Variants in UGT1A9 observed in about 807,000 individuals in gnomAD.
UGT1A9 encodes UDP glucuronosyltransferase family 1 member A9, also known as UDP-glucuronosyltransferase 1A9.
UGT1A9 carries 35 observed loss-of-function variants against 45.0 expected under a neutral mutation model. That is an observed-to-expected ratio of 0.78 (90% CI 0.59 to 1.03). UGT1A9 has a LOEUF of 1.03. Among genes scored for constraint, UGT1A9 ranks in the 50% least tolerant of loss-of-function variants. UGT1A9 has a pLI of 0.00. For missense variants in UGT1A9, 687 were observed against 666.6 expected, an observed-to-expected ratio of 1.03 and a Z score of -0.34; for synonymous variants, 278 against 250.6, an observed-to-expected ratio of 1.11 and a Z score of -1.03.
At chr2:233,747,695 G>C in intron 1 of UGT1A9, 1 of 1,611,470 alleles carries the variant, frequency 6.2e-7, no homozygotes, top group Non-Finnish European at 8.5e-7. Flanking sequence ...GGGCAGTGCT[G>C]GCTAAGTACC....
chr2:233,725,080 G>A (rs1417813271), intron 1 of UGT1A9, among the ~76,000 whole-genome samples: 3 of 144,008 alleles, frequency 2.1e-5, no homozygotes, highest in Non-Finnish European at 4.6e-5. Context: ...GCAGGCACTC[G>A]GCAGGCTGAG....
At chr2:233,706,790 T>C (rs774565833) in intron 1 of UGT1A9, among the ~76,000 whole-genome samples, 1 of 152,192 alleles carries the variant, frequency 6.6e-6, no homozygotes. Context: ...AGAAATACCA[T>C]GCACCAATTA....
intron 1 of UGT1A9, chr2:233,760,313 G>T (rs761736540): frequency 6.2e-7 from 1 of 1,613,818 alleles, no homozygotes. Context: ...CAGGGCGGAC[G>T]CCCACTTGTC....
chr2:233,734,138 TG>T (rs2078490713), intron 1 of UGT1A9, among the ~76,000 whole-genome samples: 1 of 152,142 alleles, frequency 6.6e-6, no homozygotes, highest in Non-Finnish European at 1.5e-5. Flanking sequence ...AATTTGGCTG[TG>T]AATCCATCTG....
In UGT1A9 at chr2:233,728,991, T is replaced by C. The variant is rs868429591; in HGVS notation, c.856-38043T>C. On this transcript the variant is annotated intron_variant, in intron 1 of 4. Transcript: ENST00000354728. ...GATAGATTAATGGTTAATAATTAAC[T>C]AGAGGAGGGCACTCTGTCTTCCAAT... 5.2e-5 allele frequency: 80 copies of C among 1,542,528 alleles called. No homozygotes were observed. The African/African-American group carries it at 1.0e-3, about 20-fold the overall frequency.
chr2:233,673,532 A>G (rs1354332041), intron 1 of UGT1A9, among the ~76,000 whole-genome samples: 3 of 152,126 alleles, frequency 2.0e-5, no homozygotes, highest in Non-Finnish European at 4.4e-5. Context: ...CAGGATTTCC[A>G]TGAATTGAGA....
chr2:233,716,312 G>A (rs1303311282), intron 1 of UGT1A9, among the ~76,000 whole-genome samples: 1 of 152,118 alleles, frequency 6.6e-6, no homozygotes, highest in African/African-American at 2.4e-5. Flanking sequence ...TCTTCCACCT[G>A]TAATGGAATA....
At chr2:233,760,415 T>A (rs2125983730) in intron 1 of UGT1A9, 1 of 1,614,208 alleles carries the variant, frequency 6.2e-7, no homozygotes, top group Non-Finnish European at 8.5e-7. Flanking sequence ...TGGCTGAGCA[T>A]GCTTGGGGCC....
intron 1 of UGT1A9, chr2:233,754,387 G>A: frequency 3.3e-6 from 1 of 304,284 alleles, no homozygotes; most frequent in East Asian, 8.4e-5. Flanking sequence ...ACAAACAGAG[G>A]TCCTATCCGT....
intron 1 of UGT1A9, among the ~76,000 whole-genome samples, chr2:233,708,083 A>T (rs910036488): frequency 1.3e-5 from 2 of 152,164 alleles, no homozygotes; most frequent in African/African-American, 4.8e-5. Context: ...TTTTACTTTT[A>T]TTCAAACGAA....
chr2:233,688,861 G>A (rs1162676732), intron 1 of UGT1A9, among the ~76,000 whole-genome samples: 1 of 152,134 alleles, frequency 6.6e-6, no homozygotes, highest in Non-Finnish European at 1.5e-5. Flanking sequence ...ATCATAGGGG[G>A]CCTTGCAGGA....
intron 1 of UGT1A9, chr2:233,692,763 G>A (rs542807063): frequency 8.1e-7 from 1 of 1,239,150 alleles, no homozygotes; most frequent in Admixed American, 3.5e-5. Flanking sequence ...TGGAGCTGAA[G>A]AGAAACACCC....
At chr2:233,767,305 G>T (rs907806050) in intron 2 of UGT1A9, 140 bp downstream of exon 2, 20 of 1,519,058 alleles carry the variant, frequency 1.3e-5, no homozygotes, top group Non-Finnish European at 1.7e-5. Context: ...TAATCCAAAG[G>T]TTTTTTTTGT....
intron 1 of UGT1A9, chr2:233,718,789 T>C (rs745402322): frequency 5.6e-6 from 9 of 1,612,926 alleles, no homozygotes; most frequent in Non-Finnish European, 7.6e-6. Flanking sequence ...CAGCGTGGGG[T>C]GGACAGTCAG....
chr2:233,723,484 C>A (rs6750992), intron 1 of UGT1A9, among the ~76,000 whole-genome samples: 60,000 of 128,836 alleles, frequency 0.47, 17,177 homozygotes, highest in African/African-American at 0.75. Context: ...TGCTAGGATT[C>A]CAGGTGTGAG....
chr2:233,764,038 A>G (rs1698463579), intron 1 of UGT1A9, among the ~76,000 whole-genome samples: 1 of 152,218 alleles, frequency 6.6e-6, no homozygotes, highest in East Asian at 1.9e-4. Flanking sequence ...CTAAAGAAGA[A>G]TTCTGGGAAA....
chr2:233,755,908 T>G (rs1323849198), intron 1 of UGT1A9: 1 of 151,610 alleles, frequency 6.6e-6, no homozygotes, highest in African/African-American at 2.4e-5. Flanking sequence ...CAAAATGTAG[T>G]GAGAAGAGTG....
chr2:233,765,846 C>T (rs562820887), intron 1 of UGT1A9, among the ~76,000 whole-genome samples: 4 of 152,146 alleles, frequency 2.6e-5, no homozygotes, highest in African/African-American at 7.2e-5. Flanking sequence ...CCTTGTCCCC[C>T]TCACAGAGCA....
chr2:233,721,061 C>T (rs1345947029), intron 1 of UGT1A9, among the ~76,000 whole-genome samples: 1 of 152,076 alleles, frequency 6.6e-6, no homozygotes, highest in Non-Finnish European at 1.5e-5. Flanking sequence ...GTCATATTCA[C>T]TGAATTTATA....
Sources: gnomAD v4.1 joint callset for allele counts (sites outside exome capture counted in the v4.1 genomes callset) on GRCh38, gnomAD v4.1.1 for gene constraint, MANE v1.5 for transcripts, NCBI Gene and HGNC (gene_info 2026-07-23, HGNC 2026-07-21) for gene names.